Variants in KCNH1 observed in about 807,000 individuals in gnomAD.
KCNH1 encodes the protein voltage-gated delayed rectifier potassium channel KCNH1.
KCNH1 carries 27 observed loss-of-function variants against 69.2 expected under a neutral mutation model. The observed-to-expected ratio is 0.39, with a 90% CI of 0.29 to 0.54. The LOEUF (loss-of-function observed/expected upper bound fraction) is 0.54, where lower values mean the gene tolerates loss of function less well. Among genes scored for constraint, KCNH1 ranks in the 20% least tolerant of loss-of-function variants. The probability of loss-of-function intolerance (pLI) is 0.68; values close to 1 mark genes in which losing one functional copy is unlikely to be tolerated. For missense variants in KCNH1, 798 were observed against 1,261.6 expected (o/e 0.63, Z 5.57); for synonymous variants, 456 against 487.7 (o/e 0.93, Z 0.86).
chr1:210,876,911 A>G (rs568543751), intron 7 of KCNH1, among the ~76,000 whole-genome samples: 1 of 152,228 alleles, frequency 6.6e-6, no homozygotes, highest in East Asian at 1.9e-4. Flanking sequence ...TACAGTAAAA[A>G]TTAACTCAAA....
chr1:210,959,507 C>A (rs1371718197), intron 6 of KCNH1, among the ~76,000 whole-genome samples: 1 of 152,246 alleles, frequency 6.6e-6, no homozygotes. Context: ...TTTTGTTCAG[C>A]TATGCCCTGT....
intron 6 of KCNH1, among the ~76,000 whole-genome samples, chr1:210,966,760 T>A (rs752387607): frequency 1.3e-5 from 2 of 152,216 alleles, no homozygotes; most frequent in Non-Finnish European, 2.9e-5. Context: ...GCTTTTACAC[T>A]GTTGGTGGGA....
chr1:210,942,813 T>A (rs1192639500), intron 6 of KCNH1, among the ~76,000 whole-genome samples: 1 of 151,676 alleles, frequency 6.6e-6, no homozygotes, highest in Non-Finnish European at 1.5e-5. Context: ...ACTCATAGGA[T>A]ACAATTTATA....
intron 10 of KCNH1, among the ~76,000 whole-genome samples, chr1:210,724,815 G>A (rs755338295): frequency 7.9e-5 from 12 of 152,078 alleles, no homozygotes; most frequent in South Asian, 2.1e-4. Context: ...AGACAGATGC[G>A]TCCTGCTGCC....
chr1:210,708,051 T>A (rs1681957682), intron 10 of KCNH1, among the ~76,000 whole-genome samples: 1 of 152,150 alleles, frequency 6.6e-6, no homozygotes, highest in Non-Finnish European at 1.5e-5. Context: ...TAAACACAGC[T>A]CATCACATGG....
chr1:210,911,006 G>T (rs1236213131), intron 7 of KCNH1, among the ~76,000 whole-genome samples: 1 of 152,064 alleles, frequency 6.6e-6, no homozygotes. Context: ...TTTCCTACTT[G>T]CATTTGTGTA....
chr1:210,969,675 T>A (rs186095649), intron 6 of KCNH1, among the ~76,000 whole-genome samples: 16 of 152,300 alleles, frequency 1.1e-4, no homozygotes, highest in African/African-American at 3.8e-4. Context: ...AGTTTTATCA[T>A]TTTTGTGAGT....
intron 10 of KCNH1, among the ~76,000 whole-genome samples, chr1:210,754,337 G>T (rs1460429382): frequency 2.6e-5 from 4 of 151,908 alleles, no homozygotes. Context: ...TTGGATCCAA[G>T]AAATTGTTGT....
At chr1:211,040,214 G>A (rs985356874) in intron 5 of KCNH1, among the ~76,000 whole-genome samples, 34 of 149,802 alleles carry the variant, frequency 2.3e-4, no homozygotes, top group South Asian at 6.3e-4. Flanking sequence ...AAAAGACTTC[G>A]GGGGACTGTT....
intron 7 of KCNH1, among the ~76,000 whole-genome samples, chr1:210,888,175 A>G (rs569089788): frequency 2.0e-5 from 3 of 152,336 alleles, no homozygotes; most frequent in African/African-American, 7.2e-5. Flanking sequence ...ACACCTCAGC[A>G]AATGCAAAAG....
intron 6 of KCNH1, among the ~76,000 whole-genome samples, chr1:210,923,835 G>T (rs1687513239): frequency 6.6e-6 from 1 of 152,122 alleles, no homozygotes; most frequent in Non-Finnish European, 1.5e-5. Flanking sequence ...GTATTGTGTT[G>T]AACAATGTCC....
At chr1:210,774,928 G>A (rs182161724) in intron 10 of KCNH1, among the ~76,000 whole-genome samples, 73 of 152,154 alleles carry the variant, frequency 4.8e-4, no homozygotes, top group Middle Eastern at 3.4e-3. Context: ...ATTACTAGCT[G>A]GCAGGCTAAT....
intron 3 of KCNH1, among the ~76,000 whole-genome samples, chr1:211,093,894 A>C (rs949013461): frequency 1.3e-5 from 2 of 152,162 alleles, no homozygotes; most frequent in South Asian, 2.1e-4. Context: ...GGGGGAAGGC[A>C]AAAGGCAGGA....
intron 5 of KCNH1, among the ~76,000 whole-genome samples, chr1:211,082,182 A>G (rs17188839): frequency 0.2 from 29,808 of 152,078 alleles, 3,155 homozygotes; most frequent in Non-Finnish European, 0.24. Context: ...ATATTTATTA[A>G]GATGTAAAAA....
intron 1 of KCNH1, chr1:211,132,588 TTTAA>T (rs1373745315): frequency 2.0e-5 from 3 of 152,228 alleles, no homozygotes; most frequent in African/African-American, 7.2e-5. Flanking sequence ...TAAATCACTG[TTTAA>T]TTAAAGAGTG....
Position 211,031,975 on chromosome 1 carries a change from C to T in KCNH1, c.559-12719G>A, listed in dbSNP as rs534665762. On this transcript the variant is annotated intron_variant, in intron 5 of 10. Transcript: ENST00000271751. Reference sequence around the variant, plus strand: ...AGGAAAAGAGGAAGTCAAATTGTCCCTGTTTGCAGATGACATGATTGTATA... The same window carrying T: ...AGGAAAAGAGGAAGTCAAATTGTCCTTGTTTGCAGATGACATGATTGTATA... Among the ~76,000 whole-genome samples the T allele has an allele frequency of 5.1e-3, 772 of 152,282 alleles. 10 individuals carry two copies. Among genetic ancestry groups the T allele is most frequent in the African/African-American group, 0.018 (733 of 41,542 alleles).
At chr1:210,805,142 A>G (rs1684522691) in intron 7 of KCNH1, among the ~76,000 whole-genome samples, 1 of 152,102 alleles carries the variant, frequency 6.6e-6, no homozygotes, top group Non-Finnish European at 1.5e-5. Flanking sequence ...TTTTGCAATC[A>G]CGTGCTTCTT....
chr1:210,736,407 G>A (rs1682879904), intron 10 of KCNH1, among the ~76,000 whole-genome samples: 1 of 152,112 alleles, frequency 6.6e-6, no homozygotes, highest in South Asian at 2.1e-4. Context: ...AAGTAGACAG[G>A]TGTGGTGGTG....
At chr1:211,090,413 A>G (rs1691031973) in intron 4 of KCNH1, 149 bp downstream of exon 4, 1 of 636,980 alleles carries the variant, frequency 1.6e-6, no homozygotes, top group Non-Finnish European at 2.5e-6. Context: ...ACACTCCAGA[A>G]TAACACAGTG....
Sources: gnomAD v4.1 joint callset for allele counts (sites outside exome capture counted in the v4.1 genomes callset) on GRCh38, gnomAD v4.1.1 for gene constraint, MANE v1.5 for transcripts, NCBI Gene and HGNC (gene_info 2026-07-23, HGNC 2026-07-21) for gene names.